ADCY1: variants seen among roughly 807,000 people sequenced by gnomAD.
ADCY1 encodes the protein adenylate cyclase 1, also known as adenylate cyclase type 1.
Under a neutral mutation model 105.4 loss-of-function variants are expected in ADCY1, and 28 were observed. That is an observed-to-expected ratio of 0.27 (90% CI 0.20 to 0.36). The LOEUF is 0.36. Among genes scored for constraint, ADCY1 ranks in the 10% least tolerant of loss-of-function variants. The pLI, the probability that ADCY1 is intolerant of heterozygous loss-of-function variation, is 1.00. For synonymous variants in ADCY1, 655 were observed against 623.8 expected (o/e 1.05, Z -0.75); for missense variants, 977 against 1,434.2 (o/e 0.68, Z 5.15).
At position 45,611,511 on chromosome 7, in the gene ADCY1, G is replaced by A. The variant is rs141699647; in HGVS notation, c.908+1014G>A. Reference sequence around the variant, plus strand: ...TTGTTGCTGGGTCTGGTATATGTGTGCTCTTCTGTCTTACTCTGTTCATTT... The same window carrying A: ...TTGTTGCTGGGTCTGGTATATGTGTACTCTTCTGTCTTACTCTGTTCATTT... On this transcript the variant is annotated intron_variant, in intron 3 of 19. Coordinates refer to ENST00000297323, the MANE Select transcript of ADCY1 (RefSeq NM_021116.4). 1.1e-4 allele frequency among the ~76,000 whole-genome samples: 17 copies of A among 152,166 alleles called. No individual in the cohort carries two copies. The East Asian group carries it at 3.3e-3, about 29-fold the overall frequency.
At chr7:45,681,861 A>C (rs1483002146) in intron 11 of ADCY1, among the ~76,000 whole-genome samples, 3 of 152,094 alleles carry the variant, frequency 2.0e-5, no homozygotes, top group Non-Finnish European at 4.4e-5. Context: ...TAGTTCCAGA[A>C]CACATCCTTG....
intron 8 of ADCY1, among the ~76,000 whole-genome samples, chr7:45,673,997 A>ATG (rs1251434642): frequency 4.7e-5 from 1 of 21,394 alleles, no homozygotes; most frequent in African/African-American, 8.2e-5. Flanking sequence ...ATATATATAT[A>ATG]TATATATATA....
At chr7:45,642,066 G>A (rs1183506498) in intron 4 of ADCY1, among the ~76,000 whole-genome samples, 2 of 151,960 alleles carry the variant, frequency 1.3e-5, no homozygotes, top group Admixed American at 6.6e-5. Flanking sequence ...AGACAGTCCC[G>A]TGCCATTGAG....
In ADCY1 at chr7:45,722,324, G is replaced by C. The variant is rs2116312109; in HGVS notation, c.*8329G>C. ...AAAACTCCTAATGGTGTGGAACTTA[G>C]TTTGAATTTGAAATCACGCCGCATG... On this transcript the variant is annotated 3_prime_UTR_variant, in exon 20 of 20. Transcript: ENST00000297323. The C allele has an allele frequency of 6.5e-6, 1 of 153,062 alleles. No individual in the cohort carries two copies. The highest frequency in any genetic ancestry group is 6.5e-5 in the Admixed American group (1 of 15,320). 9.5% of individuals were successfully genotyped at this position (153,062 alleles called of 1,614,324 possible).
At chr7:45,698,666 TAA>T (rs1272176720) in intron 14 of ADCY1, among the ~76,000 whole-genome samples, 1 of 152,192 alleles carries the variant, frequency 6.6e-6, no homozygotes, top group Non-Finnish European at 1.5e-5. Flanking sequence ...CCCCATGCTG[TAA>T]ACAGTGCTTG....
At chr7:45,679,851 G>A (rs1049554462) in intron 11 of ADCY1, 58 bp downstream of exon 11, 11 of 1,582,044 alleles carry the variant, frequency 7.0e-6, no homozygotes, top group Non-Finnish European at 9.6e-6. Context: ...TATGTGAGTG[G>A]CCTGTATCCT....
rs376984015 is a variant in ADCY1, at chr7:45,660,062, C to G, written c.1328C>G (p.Thr443Arg). ...TGTAGGAAGGTTCATATCACAAAGA[C>G]GACCCTAGCGTGCTTGAATGGGGAC... ...GLPGKVHITK[T>R]TLACLNGDYE... is the part of the protein sequence containing the mutation. The change falls in exon 7 of 20, where the codon ACG becomes AGG. Residue 443 changes from threonine (T) to arginine (R), a missense_variant. By Grantham distance (71) the Thr-to-Arg change is moderately conservative (BLOSUM62 -1). Coordinates refer to ENST00000297323, the MANE Select transcript of ADCY1 (RefSeq NM_021116.4). The G allele has an allele frequency of 3.9e-5, 63 of 1,614,010 alleles. No homozygotes were observed. Among genetic ancestry groups the G allele is most frequent in the Middle Eastern group, 1.6e-4 (1 of 6,084 alleles).
intron 4 of ADCY1, among the ~76,000 whole-genome samples, chr7:45,627,845 A>C (rs1023789442): frequency 4.6e-5 from 7 of 152,092 alleles, no homozygotes; most frequent in African/African-American, 1.7e-4. Context: ...TCCAGAATCC[A>C]CTCGTGGGGA....
At chr7:45,671,716 T>C (rs1784371522) in intron 8 of ADCY1, among the ~76,000 whole-genome samples, 1 of 152,248 alleles carries the variant, frequency 6.6e-6, no homozygotes, top group South Asian at 2.1e-4. Flanking sequence ...TTTATCCATA[T>C]GTTCTCTTGC....
intron 2 of ADCY1, among the ~76,000 whole-genome samples, chr7:45,606,950 A>G (rs938477844): frequency 6.7e-6 from 1 of 150,232 alleles, no homozygotes; most frequent in African/African-American, 2.5e-5. Context: ...GAGGGTTTTG[A>G]GATTGGATGT....
chr7:45,627,349 C>T (rs978677516), intron 4 of ADCY1, among the ~76,000 whole-genome samples: 1 of 152,220 alleles, frequency 6.6e-6, no homozygotes, highest in African/African-American at 2.4e-5. Context: ...TCTGACCTTT[C>T]ACCAGCCTTC....
chr7:45,712,946 C>T (rs1172368250), intron 19 of ADCY1, among the ~76,000 whole-genome samples: 1 of 151,992 alleles, frequency 6.6e-6, no homozygotes, highest in Non-Finnish European at 1.5e-5. Flanking sequence ...GCCTGCTGCC[C>T]TCCGTATGCT....
Position 45,686,254 on chromosome 7 carries a change from G to A in ADCY1, c.2327+39G>A, listed in dbSNP as rs1445189068. On this transcript the variant is annotated intron_variant, in intron 13 of 19. Transcript: ENST00000297323. This position sits in a 1 kb window ranked among gnomAD's most constrained non-coding sequence, Gnocchi z 4.3. ...TCCTCAAGAAAAAGGCCTAAGCAGC[G>A]GTGCTACTGAATCTGTGTATACAGA... 2.5e-6 allele frequency: 4 copies of A among 1,595,928 alleles called. No individual in the cohort carries two copies. The highest frequency in any genetic ancestry group is 1.7e-6 in the Non-Finnish European group (2 of 1,170,446).
chr7:45,630,391 TG>T (rs1211578028), intron 4 of ADCY1, among the ~76,000 whole-genome samples: 1 of 152,252 alleles, frequency 6.6e-6, no homozygotes, highest in East Asian at 1.9e-4. Flanking sequence ...ACCACAAACT[TG>T]GTGGCTTGAA....
intron 11 of ADCY1, among the ~76,000 whole-genome samples, chr7:45,681,854 T>A (rs183112320): frequency 6.6e-6 from 1 of 152,214 alleles, no homozygotes; most frequent in East Asian, 1.9e-4. Context: ...ACGGAGTTAG[T>A]TCCAGAACAC....
chr7:45,612,707 GAGTC>G (rs1190032764), intron 3 of ADCY1, among the ~76,000 whole-genome samples: 1 of 152,220 alleles, frequency 6.6e-6, no homozygotes, highest in Admixed American at 6.5e-5. Flanking sequence ...GGGAGAGAAA[GAGTC>G]AGTGTGACCA....
intron 4 of ADCY1, among the ~76,000 whole-genome samples, chr7:45,638,832 G>C (rs911458955): frequency 6.6e-5 from 10 of 152,140 alleles, no homozygotes; most frequent in African/African-American, 2.4e-4. Context: ...ATAGTGAGTC[G>C]TGGCTGCCAG....
chr7:45,646,567 T>C (rs1381817187), intron 4 of ADCY1, among the ~76,000 whole-genome samples: 1 of 152,216 alleles, frequency 6.6e-6, no homozygotes, highest in Non-Finnish European at 1.5e-5. Context: ...CAAGCAGGCA[T>C]ATCCTGACCC....
intron 12 of ADCY1, among the ~76,000 whole-genome samples, chr7:45,685,737 A>T (rs1249725221): frequency 1.3e-5 from 2 of 152,128 alleles, no homozygotes; most frequent in African/African-American, 4.8e-5. Flanking sequence ...GGCAGGGCTG[A>T]TCCCACCTGG....
Sources: gnomAD v4.1 joint callset for allele counts (sites outside exome capture counted in the v4.1 genomes callset) on GRCh38, gnomAD v4.1.1 for gene constraint, Gnocchi (gnomAD v3.1) non-coding constraint, MANE v1.5 for transcripts, NCBI Gene and HGNC (gene_info 2026-07-23, HGNC 2026-07-21) for gene names.